Variants in ZNF684 observed in about 807,000 individuals in gnomAD.
ZNF684 encodes zinc finger protein 684, also known as hypothetical protein MGC27466.
ZNF684 carries 13 observed loss-of-function variants against 12.8 expected under a neutral mutation model. The ratio of observed to expected loss-of-function variants is 1.02; its 90% CI spans 0.66 to 1.62. The LOEUF (loss-of-function observed/expected upper bound fraction) is 1.62, where lower values mean the gene tolerates loss of function less well. ZNF684 is among the 40% of genes most tolerant of loss of function. The pLI, the probability that ZNF684 is intolerant of heterozygous loss-of-function variation, is 0.00. For missense variants in ZNF684, 384 were observed against 446.9 expected, an observed-to-expected ratio of 0.86 and a Z score of 1.27; for synonymous variants, 118 against 151.8, an observed-to-expected ratio of 0.78 and a Z score of 1.64.
intron 2 of ZNF684, among the ~76,000 whole-genome samples, chr1:40,539,012 C>A (rs1645999895): frequency 1.3e-5 from 2 of 151,830 alleles, no homozygotes; most frequent in Admixed American, 1.3e-4. Flanking sequence ...TGTAGTGAGA[C>A]CCCATCTCTA....
intron 4 of ZNF684, among the ~76,000 whole-genome samples, chr1:40,543,860 C>G (rs538233240): frequency 1.3e-5 from 2 of 152,284 alleles, no homozygotes; most frequent in African/African-American, 2.4e-5. Context: ...CATTGTAACT[C>G]CAGTCTAAAT....
At chr1:40,533,597 T>TTA in intron 2 of ZNF684, among the ~76,000 whole-genome samples, 1 of 152,174 alleles carries the variant, frequency 6.6e-6, no homozygotes, top group East Asian at 1.9e-4. Flanking sequence ...TCCTATGACT[T>TTA]TCTTAGAGTA....
Position 40,546,598 on chromosome 1 carries a change from A to T in ZNF684, c.275A>T (p.His92Leu). 3 of 1,579,376 alleles carry T rather than the reference A, an allele frequency of 1.9e-6. No individual in the cohort carries two copies. Among genetic ancestry groups the T allele is most frequent in the Non-Finnish European group, 1.7e-6 (2 of 1,165,490 alleles). Reference sequence around the variant, plus strand: ...CCACTTGTTGATGAACCAGGGAAGCATCGGGAAAGCAAAGACAATTTTTTG... The same window carrying T: ...CCACTTGTTGATGAACCAGGGAAGCTTCGGGAAAGCAAAGACAATTTTTTG... ...DYPLVDEPGK[H>L]RESKDNFLKS... Residue 92 changes from histidine (H) to leucine (L), a missense_variant, in exon 5 of 5, where the codon CAT becomes CTT. Coordinates refer to ENST00000372699, the MANE Select transcript of ZNF684 (RefSeq NM_152373.4).
At chr1:40,540,787 A>T in intron 3 of ZNF684, 75 bp downstream of exon 3, 1 of 1,349,412 alleles carries the variant, frequency 7.4e-7, no homozygotes. Flanking sequence ...AGACTTGGGA[A>T]CGTTTGCCAA....
At chr1:40,534,939 G>A (rs984966350) in intron 2 of ZNF684, among the ~76,000 whole-genome samples, 7 of 152,144 alleles carry the variant, frequency 4.6e-5, no homozygotes, top group Non-Finnish European at 1.0e-4. Flanking sequence ...GCTATAGCTA[G>A]CTATGGTCAC....
At chr1:40,533,221 C>CA (rs769364363) in intron 2 of ZNF684, 40 bp downstream of exon 2, 1 of 1,599,904 alleles carries the variant, frequency 6.3e-7, no homozygotes, top group African/African-American at 1.3e-5. Flanking sequence ...TTAAATCTCC[C>CA]AAAAATCCAT....
At chr1:40,536,800 G>C (rs1336678870) in intron 2 of ZNF684, among the ~76,000 whole-genome samples, 1 of 150,716 alleles carries the variant, frequency 6.6e-6, no homozygotes, top group African/African-American at 2.4e-5. Context: ...TACTGAGAAT[G>C]ATGATTTCCA....
intron 4 of ZNF684, among the ~76,000 whole-genome samples, chr1:40,542,572 C>G (rs1646022728): frequency 6.6e-6 from 1 of 152,284 alleles, no homozygotes; most frequent in South Asian, 2.1e-4. Flanking sequence ...CCCTCAGAAG[C>G]CTCATCACTC....
chr1:40,545,723 A>G (rs10889467), intron 4 of ZNF684, among the ~76,000 whole-genome samples: 47,068 of 151,732 alleles, frequency 0.31, 9,044 homozygotes, highest in East Asian at 0.54. Flanking sequence ...GAATGTTTCT[A>G]AAGGAAACTG....
intron 2 of ZNF684, among the ~76,000 whole-genome samples, 159 bp downstream of exon 2, chr1:40,533,340 C>T (rs980890136): frequency 6.6e-6 from 1 of 152,206 alleles, no homozygotes; most frequent in Admixed American, 6.5e-5. Flanking sequence ...ATAGGGTTTG[C>T]AGATGGTTGG....
At chr1:40,544,381 T>G (rs1450043794) in intron 4 of ZNF684, 1 of 427,794 alleles carries the variant, frequency 2.3e-6, no homozygotes, top group South Asian at 1.6e-5. Flanking sequence ...TGTTTGTTTG[T>G]CTTTTTTTGA....
rs748058541 is a variant in ZNF684 at position 40,540,637 on chromosome 1, C to T, written c.67C>T (p.Gln23Ter). 3 of 1,612,654 alleles carry T rather than the reference C, an allele frequency of 1.9e-6. No individual in the cohort carries two copies. Among genetic ancestry groups the T allele is most frequent in the African/African-American group, 1.3e-5 (1 of 74,764 alleles). The change falls in exon 3 of 5, where the codon CAG (glutamine) becomes TAG (stop). Residue 23 changes from glutamine to a stop codon, truncating the protein, a stop_gained. Transcript: ENST00000372699. LOFTEE classifies it high-confidence loss of function. ...VAVDFTAEEWQLLDCAERTLY... is the reference protein window; with the variant it reads ...VAVDFTAEEW ...TGTGGATTTCACTGCAGAGGAGTGGCAGCTGCTTGATTGTGCTGAGAGAAC... is the reference window on the plus strand; with the variant it reads ...TGTGGATTTCACTGCAGAGGAGTGGTAGCTGCTTGATTGTGCTGAGAGAAC...
chr1:40,547,187 A>G lies in ZNF684; in HGVS notation c.864A>G (p.Lys288=). The G allele has an allele frequency of 6.2e-7, 1 of 1,614,234 alleles. No homozygotes were observed. The highest frequency in any genetic ancestry group is 1.1e-5 in the South Asian group (1 of 91,084). The change falls in exon 5 of 5, where the codon AAA becomes AAG. Residue 288 remains lysine, a synonymous_variant. Coordinates refer to ENST00000372699, the MANE Select transcript of ZNF684 (RefSeq NM_152373.4). ...KTFRYSSSLY[K]HSRFHTGEKP... ...TCAGGTATAGTTCATCCCTTTATAA[A>G]CATTCCAGATTTCATACAGGAGAGA...
In ZNF684 at chr1:40,544,006, A is replaced by G. The variant is rs201414642; in HGVS notation, c.238+2296A>G. On this transcript the variant is annotated intron_variant, in intron 4 of 4. Transcript: ENST00000372699. ...CTGTTTTCTTTTTCTTTTTTTTTTT[A>G]TGATAGTGCCTGAAGAGAATGACCT... is the stretch of plus-strand genomic sequence containing the variant. 2.5e-3 allele frequency among the ~76,000 whole-genome samples: 363 copies of G among 144,836 alleles called. 9 individuals carry two copies. In the East Asian group the frequency reaches 0.028, roughly 11 times the overall value.
chr1:40,542,736 T>A (rs2124510967), intron 4 of ZNF684, among the ~76,000 whole-genome samples: 1 of 152,348 alleles, frequency 6.6e-6, no homozygotes, highest in Middle Eastern at 3.4e-3. Context: ...TAAATAATAA[T>A]GAATGGCCCC....
chr1:40,544,927 G>A (rs1332545471), intron 4 of ZNF684: 3 of 152,232 alleles, frequency 2.0e-5, no homozygotes, highest in South Asian at 2.1e-4. Context: ...GGTGGACAAC[G>A]AACATGAGCA....
At chr1:40,532,283 T>A (rs1217623701) in intron 1 of ZNF684, among the ~76,000 whole-genome samples, 29 of 152,092 alleles carry the variant, frequency 1.9e-4, no homozygotes, top group Non-Finnish European at 8.8e-5. Context: ...AAAGGTGAAA[T>A]TACTTGCCTG....
intron 2 of ZNF684, among the ~76,000 whole-genome samples, chr1:40,539,147 A>G (rs547751661): frequency 6.6e-6 from 1 of 151,988 alleles, no homozygotes; most frequent in East Asian, 2.0e-4. Flanking sequence ...CTCCTGCCTC[A>G]GCCTCCTGAG....
chr1:40,533,285 A>G, intron 2 of ZNF684, 104 bp downstream of exon 2: 1 of 1,187,308 alleles, frequency 8.4e-7, no homozygotes, highest in South Asian at 1.4e-5. Flanking sequence ...TAAAAGATCA[A>G]GTCTAAAAGG....
Sources: gnomAD v4.1 joint callset for allele counts (sites outside exome capture counted in the v4.1 genomes callset) on GRCh38, gnomAD v4.1.1 for gene constraint, MANE v1.5 for transcripts, NCBI Gene and HGNC (gene_info 2026-07-23, HGNC 2026-07-21) for gene names.